Variants in FBXL17 observed in about 807,000 individuals in gnomAD.
FBXL17 encodes F-box and leucine rich repeat protein 17.
A neutral mutation model predicts 66.2 loss-of-function variants in FBXL17; 22 were observed. That is an observed-to-expected ratio of 0.33 (90% CI 0.24 to 0.47). The LOEUF (loss-of-function observed/expected upper bound fraction) is 0.47, where lower values mean the gene tolerates loss of function less well. Ranked by LOEUF, FBXL17 falls within the 20% of genes least tolerant of loss-of-function variation. The pLI, the probability that FBXL17 is intolerant of heterozygous loss-of-function variation, is 1.00. For missense variants in FBXL17, 878 were observed against 948.2 expected (o/e 0.93, Z 0.97); for synonymous variants, 474 against 400.5 (o/e 1.18, Z -2.19).
chr5:108,268,982 G>C (rs1757156102), intron 4 of FBXL17, among the ~76,000 whole-genome samples: 1 of 152,080 alleles, frequency 6.6e-6, no homozygotes, highest in African/African-American at 2.4e-5. Context: ...GGTAGACAAA[G>C]AGTAGTAAAT....
At chr5:107,879,422 T>C (rs1748710786) in intron 8 of FBXL17, 1 of 985,400 alleles carries the variant, frequency 1.0e-6, no homozygotes, top group Non-Finnish European at 1.2e-6. Flanking sequence ...ATTAGGTTGG[T>C]TAGTGGAAAG....
intron 4 of FBXL17, among the ~76,000 whole-genome samples, chr5:108,335,195 T>C (rs1407091351): frequency 1.3e-5 from 2 of 151,964 alleles, no homozygotes; most frequent in East Asian, 3.9e-4. Context: ...TTTTGAGTTC[T>C]TGAATATAAA....
In FBXL17 at chr5:108,025,181, G is replaced by A. The variant is rs536874868; in HGVS notation, c.1746-4180C>T. The stretch of plus-strand genomic sequence containing the variant: ...GAGACCTTGTTACTGTTTGTGATGT[G>A]CTTCAAACCCTAAAGAAGCTAATTG... On this transcript the variant is annotated intron_variant, in intron 6 of 8. Coordinates refer to ENST00000542267, the MANE Select transcript of FBXL17 (RefSeq NM_001163315.3). 2.0e-5 allele frequency among the ~76,000 whole-genome samples: 3 copies of A among 152,066 alleles called. No individual in the cohort carries two copies. The South Asian group carries it at 6.2e-4, about 32-fold the overall frequency.
At chr5:108,081,679 T>G (rs1467548686) in intron 6 of FBXL17, among the ~76,000 whole-genome samples, 2 of 152,042 alleles carry the variant, frequency 1.3e-5, no homozygotes, top group African/African-American at 2.4e-5. Context: ...GCCGAGATCG[T>G]GCCACTGCAT....
intron 7 of FBXL17, among the ~76,000 whole-genome samples, chr5:108,019,902 A>G (rs1754523374): frequency 6.6e-6 from 1 of 151,836 alleles, no homozygotes. Flanking sequence ...TCTCCAAGAT[A>G]AACTGAAATT....
rs141494096 is a variant in FBXL17 at position 108,055,872 on chromosome 5, T to G, written c.1746-34871A>C. Among the ~76,000 whole-genome samples, 161 of 152,042 alleles carry G rather than the reference T, an allele frequency of 1.1e-3. 1 individual carries two copies. The South Asian group carries it at 0.014, about 13-fold the overall frequency. On this transcript the variant is annotated intron_variant, in intron 6 of 8. Coordinates refer to ENST00000542267, the MANE Select transcript of FBXL17 (RefSeq NM_001163315.3). ...AAAGAAAAAAGAAAAAAAAGTCTAGTCCTCATGTCATTTTTAGCTTAGTTT... is the reference window on the plus strand; with the variant it reads ...AAAGAAAAAAGAAAAAAAAGTCTAGGCCTCATGTCATTTTTAGCTTAGTTT...
intron 8 of FBXL17, chr5:107,879,737 C>A (rs1748721842): frequency 1.0e-6 from 1 of 985,378 alleles, no homozygotes; most frequent in South Asian, 4.7e-5. Context: ...TAGATTTGTT[C>A]CTAATCACCA....
At chr5:108,001,502 A>AT (rs1268206748) in intron 7 of FBXL17, among the ~76,000 whole-genome samples, 32 of 150,818 alleles carry the variant, frequency 2.1e-4, no homozygotes, top group Admixed American at 9.9e-4. Flanking sequence ...TTTTTTTTGT[A>AT]TTTTTTTTTG....
chr5:108,034,001 T>C (rs148349005), intron 6 of FBXL17, among the ~76,000 whole-genome samples: 22 of 152,320 alleles, frequency 1.4e-4, no homozygotes, highest in Non-Finnish European at 2.6e-4. Context: ...ATATAATTAA[T>C]GCATTTTACA....
chr5:108,316,261 T>G (rs1759357657), intron 4 of FBXL17, among the ~76,000 whole-genome samples: 1 of 151,492 alleles, frequency 6.6e-6, no homozygotes, highest in East Asian at 1.9e-4. Flanking sequence ...AATACTTTGC[T>G]AGACAAATAT....
At chr5:108,177,862 G>A (rs1752848612) in intron 6 of FBXL17, among the ~76,000 whole-genome samples, 1 of 144,424 alleles carries the variant, frequency 6.9e-6, no homozygotes, top group South Asian at 2.3e-4. Flanking sequence ...ATAATTAAGT[G>A]GTAACTATTA....
Position 108,128,506 on chromosome 5 carries a change from G to T in FBXL17, c.1745+57611C>A, listed in dbSNP as rs76706343. 4.5e-4 allele frequency among the ~76,000 whole-genome samples: 68 copies of T among 152,198 alleles called. No individual in the cohort carries two copies. The East Asian group carries it at 9.7e-3, about 22-fold the overall frequency. The stretch of plus-strand genomic sequence containing the variant: ...TATAAAACAGATGAAAAGTGAAAGG[G>T]TTAATATACCAACAATAATTTGTCA... On this transcript the variant is annotated intron_variant, in intron 6 of 8. Coordinates refer to ENST00000542267, the MANE Select transcript of FBXL17 (RefSeq NM_001163315.3).
intron 4 of FBXL17, among the ~76,000 whole-genome samples, chr5:108,337,693 G>A (rs1199842495): frequency 2.4e-5 from 3 of 126,584 alleles, no homozygotes; most frequent in Non-Finnish European, 4.9e-5. Flanking sequence ...GTGATAAAAG[G>A]ACAAGTACAA....
At chr5:108,374,150 G>C (rs1323217633) in intron 1 of FBXL17, among the ~76,000 whole-genome samples, 1 of 152,132 alleles carries the variant, frequency 6.6e-6, no homozygotes, top group Non-Finnish European at 1.5e-5. Flanking sequence ...AGAACAACCA[G>C]ACAAGAGATG....
At chr5:108,044,845 T>C (rs1053835552) in intron 6 of FBXL17, among the ~76,000 whole-genome samples, 2 of 152,156 alleles carry the variant, frequency 1.3e-5, no homozygotes, top group African/African-American at 4.8e-5. Flanking sequence ...AACTTAGCTG[T>C]TTTGTATTGG....
At chr5:108,353,386 T>C (rs1285021971) in intron 3 of FBXL17, among the ~76,000 whole-genome samples, 1 of 152,150 alleles carries the variant, frequency 6.6e-6, no homozygotes, top group Non-Finnish European at 1.5e-5. Flanking sequence ...AGGCACAGCG[T>C]GGATAAGTCT....
intron 7 of FBXL17, among the ~76,000 whole-genome samples, chr5:108,020,304 A>T (rs2112762142): frequency 6.6e-6 from 1 of 152,092 alleles, no homozygotes. Context: ...CAAAAAAGGA[A>T]GGGCTAGGTT....
intron 7 of FBXL17, among the ~76,000 whole-genome samples, chr5:107,962,436 C>T (rs1751951415): frequency 6.6e-6 from 1 of 152,044 alleles, no homozygotes; most frequent in Non-Finnish European, 1.5e-5. Context: ...CTACACAACA[C>T]ATGTATTGTA....
rs113901492 is a variant in FBXL17 at position 108,244,256 on chromosome 5, TGG to T, written c.1507-20030_1507-20029del. ...CTTTCTTAACTGGCTGGTCATAATATGGAAGCATTTTAAGTATAATTCTTATA... is the reference window on the plus strand; with the variant it reads ...CTTTCTTAACTGGCTGGTCATAATATAAGCATTTTAAGTATAATTCTTATA... On this transcript the variant is annotated intron_variant, in intron 4 of 8. Coordinates refer to ENST00000542267, the MANE Select transcript of FBXL17 (RefSeq NM_001163315.3). Among the ~76,000 whole-genome samples, 740 of 152,240 alleles carry T rather than the reference TGG, an allele frequency of 4.9e-3. 11 individuals are homozygous for T. Among genetic ancestry groups the T allele is most frequent in the African/African-American group, 0.017 (703 of 41,560 alleles).
Sources: allele counts gnomAD v4.1 joint callset (sites outside exome capture counted in the v4.1 genomes callset), GRCh38; gene constraint gnomAD v4.1.1; transcripts MANE v1.5; gene names NCBI Gene and HGNC (gene_info 2026-07-23, HGNC 2026-07-21).